PPP4R4: variants seen among roughly 807,000 people sequenced by gnomAD.
PPP4R4 encodes protein phosphatase 4 regulatory subunit 4.
Under a neutral mutation model 121.8 loss-of-function variants are expected in PPP4R4, and 70 were observed. The ratio of observed to expected loss-of-function variants is 0.57; its 90% CI spans 0.47 to 0.70. The LOEUF (loss-of-function observed/expected upper bound fraction) is 0.70, where lower values mean the gene tolerates loss of function less well. PPP4R4 is among the 30% of genes least tolerant of loss of function. PPP4R4 has a pLI of 0.00. For missense variants in PPP4R4, 875 were observed against 1,033.6 expected (o/e 0.85, Z 2.10); for synonymous variants, 348 against 355.7 (o/e 0.98, Z 0.24).
intron 6 of PPP4R4, among the ~76,000 whole-genome samples, 187 bp downstream of exon 6, chr14:94,233,946 T>G (rs1237905108): frequency 1.3e-5 from 2 of 152,186 alleles, no homozygotes; most frequent in Admixed American, 6.5e-5. Flanking sequence ...ATCTCATAAC[T>G]TTTCAGAATT....
chr14:94,258,852 G>A (rs1893617985), intron 18 of PPP4R4, 28 bp downstream of exon 18: 3 of 1,560,470 alleles, frequency 1.9e-6, no homozygotes, highest in Non-Finnish European at 2.6e-6. Context: ...ACCTTATTGT[G>A]TTGGTCCATT....
intron 2 of PPP4R4, among the ~76,000 whole-genome samples, chr14:94,189,089 A>G (rs935248300): frequency 2.0e-5 from 3 of 152,214 alleles, no homozygotes; most frequent in Non-Finnish European, 1.5e-5. Flanking sequence ...GAAAATATAC[A>G]TATGTAAAAT....
intron 3 of PPP4R4, among the ~76,000 whole-genome samples, chr14:94,213,013 T>C (rs1362795990): frequency 6.6e-6 from 1 of 152,162 alleles, no homozygotes; most frequent in Non-Finnish European, 1.5e-5. Context: ...AAAAATAATG[T>C]AGCCAATATT....
chr14:94,270,516 G>A (rs1675386235), intron 23 of PPP4R4, among the ~76,000 whole-genome samples: 1 of 152,166 alleles, frequency 6.6e-6, no homozygotes, highest in African/African-American at 2.4e-5. Flanking sequence ...AAGACATTGT[G>A]TTCTATGTTG....
chr14:94,269,165 C>T (rs1894192307), intron 23 of PPP4R4, among the ~76,000 whole-genome samples: 2 of 152,094 alleles, frequency 1.3e-5, no homozygotes, highest in Admixed American at 1.3e-4. Context: ...GAGAAGAGAT[C>T]TTATTTGTCG....
intron 3 of PPP4R4, among the ~76,000 whole-genome samples, chr14:94,228,481 A>T (rs1193544058): frequency 2.6e-5 from 4 of 152,208 alleles, no homozygotes; most frequent in Non-Finnish European, 5.9e-5. Context: ...AAGACTGGGT[A>T]TATAGGTCCA....
At chr14:94,200,060 G>A (rs74074114) in intron 2 of PPP4R4, among the ~76,000 whole-genome samples, 2 of 151,980 alleles carry the variant, frequency 1.3e-5, no homozygotes, top group African/African-American at 4.8e-5. Context: ...TTCCCTTCCC[G>A]GCACTTCCCT....
At chr14:94,179,907 T>C (rs1040474227) in intron 2 of PPP4R4, among the ~76,000 whole-genome samples, 9 of 152,110 alleles carry the variant, frequency 5.9e-5, no homozygotes, top group Admixed American at 5.2e-4. Context: ...CTTAATGGAA[T>C]AAAGAGTATT....
chr14:94,218,385 GCACACA>G (rs142423588), intron 3 of PPP4R4, among the ~76,000 whole-genome samples: 1 of 92,686 alleles, frequency 1.1e-5, no homozygotes, highest in Non-Finnish European at 2.2e-5. Flanking sequence ...GCACGCGCGT[GCACACA>G]CACACACACA....
chr14:94,276,648 G>GC (rs11417514), intron 24 of PPP4R4, among the ~76,000 whole-genome samples: 82,819 of 151,898 alleles, frequency 0.55, 25,185 homozygotes, highest in African/African-American at 0.82. Flanking sequence ...TGAGGGATCA[G>GC]CCCCATGATC....
intron 2 of PPP4R4, among the ~76,000 whole-genome samples, chr14:94,181,521 T>C (rs1888995143): frequency 1.3e-5 from 2 of 152,234 alleles, no homozygotes; most frequent in South Asian, 4.1e-4. Flanking sequence ...AATCTTTTGA[T>C]GTGAAGTCAT....
chr14:94,210,642 G>A (rs1890694980), intron 3 of PPP4R4, among the ~76,000 whole-genome samples: 1 of 152,120 alleles, frequency 6.6e-6, no homozygotes, highest in South Asian at 2.1e-4. Context: ...AAAGGTAGAA[G>A]AGTCCAGATT....
intron 24 of PPP4R4, among the ~76,000 whole-genome samples, chr14:94,277,607 C>G (rs1894715126): frequency 6.6e-6 from 1 of 152,136 alleles, no homozygotes; most frequent in South Asian, 2.1e-4. Context: ...TGTCCACTTG[C>G]TATATTTTTC....
chr14:94,250,359 T>G, intron 15 of PPP4R4, 82 bp downstream of exon 15: 1 of 892,944 alleles, frequency 1.1e-6, no homozygotes, highest in Non-Finnish European at 1.8e-6. Context: ...TATGTATCAT[T>G]TTGCTGTGAA....
chr14:94,246,589 GGA>G (rs1168979969), intron 14 of PPP4R4, 50 bp downstream of exon 14: 2 of 1,506,904 alleles, frequency 1.3e-6, no homozygotes, highest in African/African-American at 2.8e-5. Context: ...GGTTGGTTCT[GGA>G]ATTACCAAAA....
chr14:94,206,762 A>T (rs1890481215), intron 2 of PPP4R4, among the ~76,000 whole-genome samples: 1 of 151,916 alleles, frequency 6.6e-6, no homozygotes. Flanking sequence ...TTTCTTTCAG[A>T]TTATTCTCTT....
At chr14:94,259,174 CA>C (rs1342290019) in intron 18 of PPP4R4, 120 bp from the exon 19 acceptor site, 1 of 1,460,598 alleles carries the variant, frequency 6.8e-7, no homozygotes, top group African/African-American at 1.4e-5. Flanking sequence ...AGGGGAGCTA[CA>C]AGATGAAATT....
At chr14:94,203,476 CT>C (rs987035922) in intron 2 of PPP4R4, among the ~76,000 whole-genome samples, 1 of 150,810 alleles carries the variant, frequency 6.6e-6, no homozygotes, top group Non-Finnish European at 1.5e-5. Context: ...GTTTTCATAT[CT>C]TTTTTTTGTT....
chr14:94,233,795 T>C, intron 6 of PPP4R4, 36 bp downstream of exon 6: 1 of 1,335,662 alleles, frequency 7.5e-7, no homozygotes, highest in Non-Finnish European at 1.1e-6. Flanking sequence ...TCTACTTTAT[T>C]ACATTCGTTT....
Sources: gnomAD v4.1 joint callset for allele counts (sites outside exome capture counted in the v4.1 genomes callset) on GRCh38, gnomAD v4.1.1 for gene constraint, MANE v1.5 for transcripts, NCBI Gene and HGNC (gene_info 2026-07-23, HGNC 2026-07-21) for gene names.